The following ACLY variants were observed in gnomAD, a reference collection of about 807,000 sequenced individuals.
ACLY encodes the protein ATP citrate lyase.
ACLY carries 41 observed loss-of-function variants against 133.0 expected under a neutral mutation model. The ratio of observed to expected loss-of-function variants is 0.31; its 90% CI spans 0.24 to 0.40. ACLY has a LOEUF of 0.40. Among genes scored for constraint, ACLY ranks in the 10% least tolerant of loss-of-function variants. The pLI is 1.00. For missense variants in ACLY, 1,046 were observed against 1,453.8 expected (o/e 0.72, Z 4.56); for synonymous variants, 495 against 549.3 (o/e 0.90, Z 1.38).
rs1237279955 is a variant in ACLY at position 41,867,414 on chromosome 17, G to GA, written c.*395dup. On this transcript the variant is annotated 3_prime_UTR_variant, in exon 29 of 29. Coordinates refer to ENST00000352035, the MANE Select transcript of ACLY (RefSeq NM_001096.3). ...GGGTGCTTTAAATGTATAGTATCTT[G>GA]AGGCCATAAATGTTTCATTCCCTTC... 1 of 154,174 alleles carries GA rather than the reference G, an allele frequency of 6.5e-6. No individual in the cohort carries two copies. Among genetic ancestry groups the GA allele is most frequent in the African/African-American group, 2.4e-5 (1 of 41,372 alleles). The allele number at this position is 154,174 out of a possible 1,614,324, so 9.6% of individuals were successfully genotyped here. A position where few individuals can be genotyped will look rare whatever the true frequency, so the allele number is the denominator to read the frequency against.
chr17:41,923,695 C>A (rs2050208348), upstream of ACLY, among the ~76,000 whole-genome samples: 1 of 152,138 alleles, frequency 6.6e-6, no homozygotes. Flanking sequence ...TAAAAAAAGG[C>A]TCTTATAATA....
chr17:41,890,427 G>A (rs566876634), intron 16 of ACLY, among the ~76,000 whole-genome samples: 77 of 152,026 alleles, frequency 5.1e-4, no homozygotes, highest in African/African-American at 1.9e-3. Context: ...GCTCACGCCT[G>A]TAATCCCAGC....
At chr17:41,871,134 G>C (rs2048586481) in intron 25 of ACLY, among the ~76,000 whole-genome samples, 1 of 152,162 alleles carries the variant, frequency 6.6e-6, no homozygotes, top group African/African-American at 2.4e-5. Context: ...AAGTTACCAA[G>C]TTTTCCATCT....
At chr17:41,879,685 A>AAAAAAAG in intron 20 of ACLY, among the ~76,000 whole-genome samples, 1 of 127,248 alleles carries the variant, frequency 7.9e-6, no homozygotes, top group Non-Finnish European at 1.7e-5. Context: ...AAAAAAAAAA[A>AAAAAAAG]AAGAAGTGCT....
intron 12 of ACLY, 149 bp from the exon 13 acceptor site, chr17:41,897,988 T>C: frequency 1.5e-6 from 1 of 675,494 alleles, no homozygotes; most frequent in South Asian, 2.1e-5. Flanking sequence ...CTAATAATCC[T>C]CTAAGATACG....
upstream of ACLY, chr17:41,919,021 G>A: frequency 1.6e-6 from 2 of 1,285,202 alleles, no homozygotes; most frequent in Admixed American, 2.3e-5. Context: ...CCATCGGCTC[G>A]CGGCGAGAAC....
chr17:41,900,034 A>ACTC (rs1383459402), intron 11 of ACLY, among the ~76,000 whole-genome samples: 2 of 124,484 alleles, frequency 1.6e-5, no homozygotes, highest in African/African-American at 3.0e-5. Flanking sequence ...ACACCACCGC[A>ACTC]CTCCAGCCTG....
intron 22 of ACLY, among the ~76,000 whole-genome samples, chr17:41,875,783 A>G (rs370013880): frequency 2.0e-5 from 3 of 152,176 alleles, no homozygotes; most frequent in East Asian, 3.9e-4. Context: ...GCGTGATCTC[A>G]GCTCGCTACA....
intron 1 of ACLY, among the ~76,000 whole-genome samples, chr17:41,916,373 G>GT (rs1386081605): frequency 7.0e-6 from 1 of 142,550 alleles, no homozygotes; most frequent in African/African-American, 2.7e-5. Flanking sequence ...TTTTTGTTTT[G>GT]TTTTGTTTTT....
chr17:41,873,746 T>G, intron 23 of ACLY, 65 bp downstream of exon 23: 1 of 1,467,316 alleles, frequency 6.8e-7, no homozygotes, highest in East Asian at 2.5e-5. Flanking sequence ...TCCCACCCCT[T>G]TGTTGGGGGA....
intron 14 of ACLY, among the ~76,000 whole-genome samples, chr17:41,894,458 C>T (rs2049307495): frequency 6.7e-6 from 1 of 148,204 alleles, no homozygotes; most frequent in Non-Finnish European, 1.5e-5. Context: ...CATAGTGGTG[C>T]GTGCTTGAGT....
At chr17:41,930,016 A>G (rs1459201760) in intron 1 of ACLY, among the ~76,000 whole-genome samples, 1 of 152,228 alleles carries the variant, frequency 6.6e-6, no homozygotes, top group Non-Finnish European at 1.5e-5. Flanking sequence ...AGAAGCACCT[A>G]GTCCACTTTT....
At chr17:41,912,288 C>G (rs2049925547) in intron 3 of ACLY, 132 bp downstream of exon 3, 6 of 1,273,696 alleles carry the variant, frequency 4.7e-6, no homozygotes, top group Non-Finnish European at 6.5e-6. Flanking sequence ...TGGGTCAGCG[C>G]CACAGGACTC....
rs1555626502 is a variant in ACLY, at chr17:41,878,185, T to C, written c.2405A>G (p.Glu802Gly). 18 of 1,589,890 alleles carry C rather than the reference T, an allele frequency of 1.1e-5. No individual in the cohort carries two copies. The highest frequency in any genetic ancestry group is 1.3e-5 in the Non-Finnish European group (15 of 1,169,200). Residue 802 changes from glutamate to glycine, a missense_variant, in exon 22 of 29, where the codon GAA becomes GGA. This residue lies in a region of ACLY where 39 missense variants were observed against 30.8 expected (regional missense o/e 1.27). Coordinates refer to ENST00000352035, the MANE Select transcript of ACLY (RefSeq NM_001096.3). ...AATGACTCCATTGGCCACGAGATCTTCGTATACAGACCTGGGAGGCAGGAA... is the reference window on the plus strand; with the variant it reads ...AATGACTCCATTGGCCACGAGATCTCCGTATACAGACCTGGGAGGCAGGAA... ...ELGEIIQSVY[E>G]DLVANGVIVP...
chr17:41,896,534 G>C, intron 14 of ACLY, 86 bp downstream of exon 14: 6 of 1,263,354 alleles, frequency 4.7e-6, no homozygotes, highest in Non-Finnish European at 6.6e-6. Flanking sequence ...CAACCCACCA[G>C]GGGAGGGGGA....
Position 41,892,324 on chromosome 17 carries a change from G to T in ACLY, c.1725C>A (p.Leu575=). The T allele has an allele frequency of 6.2e-7, 1 of 1,609,192 alleles. No homozygotes were observed. Among genetic ancestry groups the T allele is most frequent in the Non-Finnish European group, 8.5e-7 (1 of 1,179,280 alleles). Residue 575 remains leucine, a synonymous_variant, in exon 16 of 29, where the codon CTC becomes CTA. Transcript: ENST00000352035. The part of the protein sequence containing the change: ...EVDVLINFAS[L]RSAYDSTMET... ...CCATGGTGCTGTCATAGGCAGAGCG[G>T]AGAGAGGCAAAGTTGATGAGCACAT... is the stretch of plus-strand genomic sequence containing the variant.
intron 1 of ACLY, among the ~76,000 whole-genome samples, chr17:41,915,330 T>C (rs2050022831): frequency 6.6e-6 from 1 of 152,122 alleles, no homozygotes; most frequent in Non-Finnish European, 1.5e-5. Context: ...GAAGCAAAGC[T>C]GTTTAATTTG....
Position 41,886,163 on chromosome 17 carries a change from A to G in ACLY, c.2021T>C (p.Ile674Thr). The stretch of plus-strand genomic sequence containing the variant: ...ATAGACGCCATCCGTGGTCCGAGAG[A>G]TGATATTGTTGAGCTCGTTGGACAT... Reference protein sequence around the residue: ...GGMSNELNNIISRTTDGVYEG... With the variant: ...GGMSNELNNITSRTTDGVYEG... Residue 674 changes from isoleucine (I) to threonine (T), a missense_variant, in exon 18 of 29, where the codon ATC becomes ACC. Around this residue, in one of 4 missense-constraint regions of ACLY, gnomAD observed 575 missense variants for 804.2 expected, o/e 0.71. Transcript: ENST00000352035. 1 of 1,614,148 alleles carries G rather than the reference A, an allele frequency of 6.2e-7. No individual in the cohort carries two copies. Among genetic ancestry groups the G allele is most frequent in the Non-Finnish European group, 8.5e-7 (1 of 1,180,008 alleles).
At chr17:41,910,877 G>A (rs906307231) in intron 3 of ACLY, among the ~76,000 whole-genome samples, 7 of 152,254 alleles carry the variant, frequency 4.6e-5, no homozygotes, top group African/African-American at 7.2e-5. Flanking sequence ...TGGCCTGTGC[G>A]TCACTGCTGA....
Sources: gnomAD v4.1 joint callset for allele counts (sites outside exome capture counted in the v4.1 genomes callset) on GRCh38, gnomAD v4.1.1 for gene constraint, gnomAD v4.1.1 regional missense constraint, MANE v1.5 for transcripts, NCBI Gene and HGNC (gene_info 2026-07-23, HGNC 2026-07-21) for gene names.